ATG4C: variants seen among roughly 807,000 people sequenced by gnomAD.
ATG4C encodes autophagy related 4C cysteine peptidase.
A neutral mutation model predicts 57.6 loss-of-function variants in ATG4C; 56 were observed. The ratio of observed to expected loss-of-function variants is 0.97; its 90% CI spans 0.78 to 1.21. The LOEUF is 1.21. Ranked by LOEUF, ATG4C falls within the 50% of genes most tolerant of loss-of-function variation. The pLI, the probability that ATG4C is intolerant of heterozygous loss-of-function variation, is 0.00. For missense variants in ATG4C, 595 were observed against 529.8 expected, an observed-to-expected ratio of 1.12 and a Z score of -1.21; for synonymous variants, 157 against 174.1, an observed-to-expected ratio of 0.90 and a Z score of 0.78.
intron 1 of ATG4C, among the ~76,000 whole-genome samples, chr1:62,796,982 C>A (rs1396593160): frequency 7.2e-5 from 11 of 152,086 alleles, no homozygotes; most frequent in Admixed American, 3.9e-4. Context: ...GTGGCACATG[C>A]CTGAAATCCC....
At chr1:62,841,304 A>C in intron 9 of ATG4C, 124 bp from the exon 10 acceptor site, 1 of 855,028 alleles carries the variant, frequency 1.2e-6, no homozygotes, top group East Asian at 2.9e-5. Flanking sequence ...GATGAACTAA[A>C]ACACCATTTG....
At chr1:62,825,793 A>G (rs1461937532) in intron 6 of ATG4C, among the ~76,000 whole-genome samples, 3 of 152,076 alleles carry the variant, frequency 2.0e-5, no homozygotes, top group African/African-American at 7.2e-5. Flanking sequence ...ATAAATGGCA[A>G]CTTTCTTACT....
At chr1:62,825,638 T>C (rs970696054) in intron 6 of ATG4C, among the ~76,000 whole-genome samples, 1 of 152,202 alleles carries the variant, frequency 6.6e-6, no homozygotes, top group African/African-American at 2.4e-5. Flanking sequence ...AACTCCCAAA[T>C]TGATAGGTCC....
intron 10 of ATG4C, among the ~76,000 whole-genome samples, chr1:62,849,051 T>C (rs971933503): frequency 4.6e-5 from 7 of 152,214 alleles, no homozygotes; most frequent in African/African-American, 1.7e-4. Context: ...ACCAAAGTGA[T>C]GCTATGTTTT....
intron 6 of ATG4C, among the ~76,000 whole-genome samples, chr1:62,827,469 A>T (rs1310252630): frequency 6.6e-6 from 1 of 152,044 alleles, no homozygotes; most frequent in African/African-American, 2.4e-5. Context: ...CCTCCCCCTC[A>T]GCATTTCCTG....
chr1:62,852,490 AT>A lies in ATG4C; in HGVS notation c.1209+10949del, dbSNP rs199979935. Among the ~76,000 whole-genome samples the A allele has an allele frequency of 7.4e-3, 1,120 of 152,138 alleles. 5 individuals carry two copies. The highest frequency in any genetic ancestry group is 0.017 in the Middle Eastern group (5 of 294). On this transcript the variant is annotated intron_variant, in intron 10 of 10. Transcript: ENST00000317868. ...TAGTCCACTGTAGACATTCTTTGTT[AT>A]TTTTTAGTTATAGTACTTGAGGATT...
At chr1:62,791,381 TG>T (rs1265274580) in intron 1 of ATG4C, among the ~76,000 whole-genome samples, 3 of 152,228 alleles carry the variant, frequency 2.0e-5, no homozygotes, top group Admixed American at 6.5e-5. Context: ...ACTAATATAA[TG>T]GGTCTTGGAA....
At chr1:62,856,265 C>A (rs1190669051) in intron 10 of ATG4C, among the ~76,000 whole-genome samples, 1 of 152,172 alleles carries the variant, frequency 6.6e-6, no homozygotes, top group Non-Finnish European at 1.5e-5. Context: ...TTTTAAATTT[C>A]ATAGATCTTT....
chr1:62,850,899 T>TATATATATAC (rs1666500658), intron 10 of ATG4C, among the ~76,000 whole-genome samples: 1 of 62,580 alleles, frequency 1.6e-5, no homozygotes, highest in Non-Finnish European at 3.2e-5. Context: ...TATATATATA[T>TATATATATAC]ATACATACAC....
chr1:62,824,992 C>T (rs1665601011), intron 6 of ATG4C, among the ~76,000 whole-genome samples: 1 of 152,078 alleles, frequency 6.6e-6, no homozygotes, highest in East Asian at 1.9e-4. Context: ...AATCCCAGCA[C>T]TTTGGGAAAC....
chr1:62,832,478 G>A (rs1037753372), intron 7 of ATG4C, among the ~76,000 whole-genome samples: 22 of 152,164 alleles, frequency 1.4e-4, no homozygotes, highest in African/African-American at 1.9e-4. Context: ...GAAAGAGGGC[G>A]AACTCTGTCC....
intron 10 of ATG4C, among the ~76,000 whole-genome samples, chr1:62,863,079 C>A (rs1249100286): frequency 6.6e-6 from 1 of 151,882 alleles, no homozygotes; most frequent in East Asian, 1.9e-4. Context: ...TAATGAAAAT[C>A]ATTAAAAGTT....
rs1665927482 is a variant in ATG4C at position 62,834,206 on chromosome 1, C to G, written c.1012+90C>G. On this transcript the variant is annotated intron_variant, in intron 8 of 10. Coordinates refer to ENST00000317868, the MANE Select transcript of ATG4C (RefSeq NM_032852.4). Reference sequence around the variant, plus strand: ...GATCATCTGGAAACAGGATGATTAACAGAGCAAAACGAGTACCTTATACAT... The same window carrying G: ...GATCATCTGGAAACAGGATGATTAAGAGAGCAAAACGAGTACCTTATACAT... The G allele has an allele frequency of 6.7e-6, 8 of 1,192,884 alleles. No homozygotes were observed. In the South Asian group the frequency reaches 6.8e-5, roughly 10 times the overall value. 73.9% of individuals were successfully genotyped at this position (1,192,884 alleles called of 1,614,324 possible).
chr1:62,808,523 T>G (rs1470925715), intron 3 of ATG4C, among the ~76,000 whole-genome samples: 1 of 152,080 alleles, frequency 6.6e-6, no homozygotes, highest in Non-Finnish European at 1.5e-5. Context: ...GTGGAAAATA[T>G]CTATCTTTAA....
chr1:62,853,438 A>G (rs1247057176), intron 10 of ATG4C, among the ~76,000 whole-genome samples: 1 of 152,200 alleles, frequency 6.6e-6, no homozygotes, highest in African/African-American at 2.4e-5. Context: ...CGTGTTAGCT[A>G]TAATTATTAC....
intron 3 of ATG4C, among the ~76,000 whole-genome samples, chr1:62,814,657 C>T (rs966960623): frequency 2.6e-4 from 40 of 152,222 alleles, no homozygotes; most frequent in African/African-American, 9.1e-4. Flanking sequence ...TATCTTTTTT[C>T]ATCCTTTACA....
At chr1:62,847,356 A>G (rs1252920950) in intron 10 of ATG4C, among the ~76,000 whole-genome samples, 2 of 152,224 alleles carry the variant, frequency 1.3e-5, no homozygotes, top group African/African-American at 4.8e-5. Flanking sequence ...TAAACAAGAT[A>G]GTTGTGACTC....
chr1:62,838,048 A>G (rs941206022), intron 9 of ATG4C, among the ~76,000 whole-genome samples: 1 of 152,232 alleles, frequency 6.6e-6, no homozygotes, highest in East Asian at 1.9e-4. Flanking sequence ...AGCTGTACCT[A>G]TAAGCATATG....
intron 10 of ATG4C, among the ~76,000 whole-genome samples, chr1:62,847,991 C>A (rs970366426): frequency 5.3e-5 from 8 of 152,188 alleles, no homozygotes; most frequent in African/African-American, 1.9e-4. Flanking sequence ...TATTAATAAT[C>A]TTCCTCCCTA....
Sources: allele counts gnomAD v4.1 joint callset (sites outside exome capture counted in the v4.1 genomes callset), GRCh38; gene constraint gnomAD v4.1.1; transcripts MANE v1.5; gene names NCBI Gene and HGNC (gene_info 2026-07-23, HGNC 2026-07-21).